The following PRTG variants were observed in gnomAD, a reference collection of about 807,000 sequenced individuals.
PRTG encodes immunoglobulin superfamily, DCC subclass, member 5.
In PRTG, 67 loss-of-function variants were observed where a neutral mutation model predicts 122.5. The ratio of observed to expected loss-of-function variants is 0.55; its 90% confidence interval spans 0.45 to 0.67. The LOEUF (loss-of-function observed/expected upper bound fraction) is 0.67, where lower values mean the gene tolerates loss of function less well. PRTG is among the 30% of genes least tolerant of loss of function. The pLI is 0.00. For synonymous variants in PRTG, 554 were observed against 501.1 expected, an observed-to-expected ratio of 1.11 and a Z score of -1.41; for missense variants, 1,435 against 1,415.4, an observed-to-expected ratio of 1.01 and a Z score of -0.22.
intron 15 of PRTG, among the ~76,000 whole-genome samples, chr15:55,636,637 CA>C (rs2059259199): frequency 6.6e-6 from 1 of 152,042 alleles, no homozygotes; most frequent in Non-Finnish European, 1.5e-5. Context: ...CAGTTGGCCT[CA>C]ACCAAACCTC....
rs1448224641 is a variant in PRTG, at chr15:55,638,658, C to T, written c.2343G>A (p.Leu781=). 3 of 1,612,510 alleles carry T rather than the reference C, an allele frequency of 1.9e-6. No homozygotes were observed. The African/African-American group carries it at 4.0e-5, about 22-fold the overall frequency. The change falls in exon 14 of 20, where the codon TTG becomes TTA. Residue 781 remains leucine (L), a synonymous_variant. Transcript: ENST00000389286. Reference sequence around the variant, plus strand: ...TGGTGTTTGGTTCTAGACCTTGAACCAACATGTGAGTTTCTGATCTATAAT... The same window carrying T: ...TGGTGTTTGGTTCTAGACCTTGAACTAACATGTGAGTTTCTGATCTATAAT... ...LYLQTSETHM[L]VQGLEPNTKY... is the part of the protein sequence containing the mutation.
intron 2 of PRTG, among the ~76,000 whole-genome samples, chr15:55,694,884 T>A (rs1022634385): frequency 6.6e-6 from 1 of 152,208 alleles, no homozygotes; most frequent in Non-Finnish European, 1.5e-5. Flanking sequence ...TTGTGAAACC[T>A]GACCTCTCTC....
At position 55,673,441 on chromosome 15, in the gene PRTG, G is replaced by A. The variant is rs1156461660; in HGVS notation, c.1782C>T (p.Ala594=). ...ATGACTCTCCCAGCCCCACTCTGGT[G>A]GCAGCAGTAATCCGAACCAGGTAGA... ...DSVYLVRITA[A]TRVGLGESSV... The change falls in exon 10 of 20, where the codon GCC becomes GCT. Residue 594 remains alanine (A), a synonymous_variant. Coordinates refer to ENST00000389286, the MANE Select transcript of PRTG (RefSeq NM_173814.6). The A allele has an allele frequency of 2.5e-6, 4 of 1,614,150 alleles. No homozygotes were observed. Among genetic ancestry groups the A allele is most frequent in the Non-Finnish European group, 3.4e-6 (4 of 1,180,000 alleles).
intron 10 of PRTG, 141 bp downstream of exon 10, chr15:55,673,230 A>AT (rs138517017): frequency 1.7e-5 from 12 of 690,136 alleles, no homozygotes; most frequent in Non-Finnish European, 2.3e-5. Context: ...AAAAAGTTTA[A>AT]TTTTTTTCAA....
chr15:55,659,688 G>A (rs773251193), intron 11 of PRTG, among the ~76,000 whole-genome samples: 8 of 152,138 alleles, frequency 5.3e-5, no homozygotes, highest in Admixed American at 2.6e-4. Context: ...CACTTTGGGA[G>A]GCCGAGGCGG....
Position 55,615,699 on chromosome 15 carries a change from G to A in PRTG, c.*4313C>T, listed in dbSNP as rs1364687210. ...TCTGCAAAACACATGTGCAGTCTTA[G>A]TGACTGTTTCAATATAACTGGAGTT... On this transcript the variant is annotated 3_prime_UTR_variant, in exon 20 of 20. Transcript: ENST00000389286. The A allele has an allele frequency of 3.3e-5, 5 of 152,022 alleles. No individual in the cohort carries two copies. The highest frequency in any genetic ancestry group is 7.4e-5 in the Non-Finnish European group (5 of 67,980). 9.4% of individuals were successfully genotyped at this position (152,022 alleles called of 1,614,324 possible).
chr15:55,650,466 G>C (rs1015005356), intron 11 of PRTG, among the ~76,000 whole-genome samples: 1 of 152,246 alleles, frequency 6.6e-6, no homozygotes, highest in Non-Finnish European at 1.5e-5. Context: ...GGTGTGGAGA[G>C]AGGAGCACAT....
At position 55,641,177 on chromosome 15, in the gene PRTG, C is replaced by A. The variant is rs770020989; in HGVS notation, c.2073G>T (p.Leu691=). Residue 691 remains leucine (L), a synonymous_variant, in exon 12 of 20, where the codon CTG becomes CTT. Coordinates refer to ENST00000389286, the MANE Select transcript of PRTG (RefSeq NM_173814.6). ...AGCCATCGTCTATGTTGTTGTAAGC[C>A]AGGAGTCTCACATGATATTTTCTTC... is the stretch of plus-strand genomic sequence containing the variant. ...DPRRKYHVRL[L]AYNNIDDGYQ... The A allele has an allele frequency of 9.9e-6, 16 of 1,613,818 alleles. No homozygotes were observed. In the South Asian group the frequency reaches 1.6e-4, roughly 17 times the overall value.
chr15:55,737,139 G>T (rs1278403633), intron 2 of PRTG, among the ~76,000 whole-genome samples: 1 of 152,118 alleles, frequency 6.6e-6, no homozygotes, highest in Non-Finnish European at 1.5e-5. Context: ...AACTTGATTT[G>T]CTAAATTTAA....
At chr15:55,713,606 A>C (rs1270447743) in intron 2 of PRTG, among the ~76,000 whole-genome samples, 1 of 152,192 alleles carries the variant, frequency 6.6e-6, no homozygotes, top group East Asian at 1.9e-4. Context: ...CAGGTGTTAA[A>C]ATTTTTGTCA....
At chr15:55,670,317 G>C (rs1595635130) in intron 11 of PRTG, among the ~76,000 whole-genome samples, 1 of 152,052 alleles carries the variant, frequency 6.6e-6, no homozygotes, top group African/African-American at 2.4e-5. Context: ...TGCTAATAAT[G>C]TATTTTTTGT....
At chr15:55,679,176 A>G (rs2059522046) in intron 7 of PRTG, 110 bp downstream of exon 7, 1 of 684,384 alleles carries the variant, frequency 1.5e-6, no homozygotes, top group African/African-American at 1.8e-5. Flanking sequence ...TCATTTTGTT[A>G]ATAACTATCA....
intron 11 of PRTG, among the ~76,000 whole-genome samples, chr15:55,671,780 C>A (rs1034906723): frequency 6.6e-6 from 1 of 152,180 alleles, no homozygotes. Flanking sequence ...GGATTACAGG[C>A]ATGAGCCACC....
At chr15:55,659,336 C>T (rs542093925) in intron 11 of PRTG, among the ~76,000 whole-genome samples, 1 of 152,238 alleles carries the variant, frequency 6.6e-6, no homozygotes, top group Non-Finnish European at 1.5e-5. Context: ...CGTATTTAGC[C>T]TGCTTTGATG....
Position 55,672,450 on chromosome 15 carries a change from C to G in PRTG, c.2036G>C (p.Gly679Ala). ...DTKDLLYTLS[G>A]LDPRRKYHVR... ...TACAGTACAAACTCACTCACCTAAG[C>G]CACTGAGAGTATAGAGTAGGTCCTT... Residue 679 changes from glycine to alanine, a missense_variant, in exon 11 of 20, where the codon GGC (glycine) becomes GCC (alanine). Coordinates refer to ENST00000389286, the MANE Select transcript of PRTG (RefSeq NM_173814.6). The G allele has an allele frequency of 6.2e-7, 1 of 1,612,524 alleles. No individual in the cohort carries two copies. Among genetic ancestry groups the G allele is most frequent in the Non-Finnish European group, 8.5e-7 (1 of 1,179,280 alleles).
chr15:55,627,513 T>C lies in PRTG; in HGVS notation c.2807-385A>G, dbSNP rs1185699768. Among the ~76,000 whole-genome samples, 7 of 102,914 alleles carry C rather than the reference T, an allele frequency of 6.8e-5. No homozygotes were observed. The East Asian group carries it at 2.6e-3, about 38-fold the overall frequency. The allele number at this position is 102,914 out of a possible 152,430, so 67.5% of individuals were successfully genotyped here. ...CTAAGTTTTTTTTTTTTTTTTTTTT[T>C]GTATTTTTAGTAGAGTCGGGGTTTC... On this transcript the variant is annotated intron_variant, in intron 16 of 19. Coordinates refer to ENST00000389286, the MANE Select transcript of PRTG (RefSeq NM_173814.6).
intron 11 of PRTG, chr15:55,655,703 T>A (rs1318132088): frequency 1.3e-5 from 2 of 151,780 alleles, no homozygotes; most frequent in East Asian, 3.8e-4. Flanking sequence ...AAACTGATGT[T>A]CTGTGCCTTA....
chr15:55,630,864 T>C (rs1412070759), intron 15 of PRTG, among the ~76,000 whole-genome samples: 1 of 152,200 alleles, frequency 6.6e-6, no homozygotes, highest in African/African-American at 2.4e-5. Flanking sequence ...CATTTTTTCC[T>C]GACTCAGGGC....
At position 55,732,493 on chromosome 15, in the gene PRTG, C is replaced by CTT. The variant is rs35478271; in HGVS notation, c.397+7887_397+7888dup. On this transcript the variant is annotated intron_variant, in intron 2 of 19. Transcript: ENST00000389286. ...AGCAACTGCGCCTGGCCAGGGTAAACTTTTTTTTTTTTTTTTTTGAGACGG... is the reference window on the plus strand; with the variant it reads ...AGCAACTGCGCCTGGCCAGGGTAAACTTTTTTTTTTTTTTTTTTTTGAGACGG... Among the ~76,000 whole-genome samples the CTT allele has an allele frequency of 3.1e-3, 407 of 130,238 alleles. 3 individuals are homozygous for CTT. Among genetic ancestry groups the CTT allele is most frequent in the East Asian group, 0.011 (49 of 4,368 alleles). The allele number at this position is 130,238 out of a possible 152,430, so 85.4% of individuals were successfully genotyped here.
Sources: allele counts gnomAD v4.1 joint callset (sites outside exome capture counted in the v4.1 genomes callset), GRCh38; gene constraint gnomAD v4.1.1; transcripts MANE v1.5; gene names NCBI Gene and HGNC (gene_info 2026-07-23, HGNC 2026-07-21).